OSMR: variants seen among roughly 807,000 people sequenced by gnomAD.
OSMR encodes oncostatin M receptor.
In OSMR, 81 loss-of-function variants were observed where a neutral mutation model predicts 99.9. The ratio of observed to expected loss-of-function variants is 0.81; its 90% CI spans 0.68 to 0.97. The LOEUF (loss-of-function observed/expected upper bound fraction) is 0.97, where lower values mean the gene tolerates loss of function less well. Ranked by LOEUF, OSMR falls within the 50% of genes least tolerant of loss-of-function variation. OSMR has a pLI of 0.00. For missense variants in OSMR, 1,099 were observed against 1,153.4 expected (o/e 0.95, Z 0.68); for synonymous variants, 406 against 410.4 (o/e 0.99, Z 0.13).
rs1239688313 is a variant in OSMR at position 38,932,934 on chromosome 5, A to G, written c.2430A>G (p.Val810=). The change falls in exon 18 of 18, where the codon GTA becomes GTG. Residue 810 remains valine (V), a synonymous_variant. Transcript: ENST00000274276. Reference sequence around the variant, plus strand: ...GTATCCCAGATGCTATTGAAGTTGTAAGCAAGCCAGAAGGGACAAAGATAC... The same window carrying G: ...GTATCCCAGATGCTATTGAAGTTGTGAGCAAGCCAGAAGGGACAAAGATAC... ...SDCIPDAIEV[V]SKPEGTKIQF... 1 of 1,614,162 alleles carries G rather than the reference A, an allele frequency of 6.2e-7. No homozygotes were observed. Among genetic ancestry groups the G allele is most frequent in the African/African-American group, 1.3e-5 (1 of 75,040 alleles).
downstream of OSMR, among the ~76,000 whole-genome samples, chr5:38,936,491 T>TGGGAGTTG: frequency 6.6e-6 from 1 of 152,300 alleles, no homozygotes; most frequent in South Asian, 2.1e-4. Flanking sequence ...CAATTCAAGA[T>TGGGAGTTG]GGGAGTTGGG....
intron 10 of OSMR, 113 bp downstream of exon 10, chr5:38,917,735 A>T (rs1745993065): frequency 1.3e-6 from 1 of 787,168 alleles, no homozygotes; most frequent in Admixed American, 1.9e-5. Flanking sequence ...ACTGGGAGGG[A>T]TCTTCACATT....
downstream of OSMR, among the ~76,000 whole-genome samples, chr5:38,936,601 T>C (rs1331829650): frequency 1.3e-5 from 2 of 152,224 alleles, no homozygotes; most frequent in Non-Finnish European, 2.9e-5. Context: ...AGAATGTGTA[T>C]TGATGAAGAA....
At chr5:38,916,257 C>T (rs1373169476) in intron 9 of OSMR, among the ~76,000 whole-genome samples, 2 of 152,136 alleles carry the variant, frequency 1.3e-5, no homozygotes, top group East Asian at 1.9e-4. Flanking sequence ...TTTTCCATTG[C>T]TGAGATTTTT....
chr5:38,872,034 G>C (rs1742423667), intron 2 of OSMR, among the ~76,000 whole-genome samples: 1 of 152,194 alleles, frequency 6.6e-6, no homozygotes, highest in African/African-American at 2.4e-5. Context: ...GCTGGACAGA[G>C]ACCCAGGAGC....
chr5:38,873,809 C>T (rs985615026), intron 2 of OSMR, among the ~76,000 whole-genome samples: 9 of 151,950 alleles, frequency 5.9e-5, no homozygotes, highest in Non-Finnish European at 1.0e-4. Flanking sequence ...TCATTCAAGT[C>T]TTTTGACTTA....
chr5:38,942,077 T>C (rs1241275052), intron 1 of OSMR: 3 of 377,908 alleles, frequency 7.9e-6, no homozygotes, highest in Non-Finnish European at 1.4e-5. Context: ...CTTAAAACTG[T>C]GGTAATGAAT....
At position 38,904,037 on chromosome 5, in the gene OSMR, C is replaced by T; in HGVS notation, c.1134+13C>T. On this transcript the variant is annotated intron_variant, in intron 8 of 17. Coordinates refer to ENST00000274276, the MANE Select transcript of OSMR (RefSeq NM_003999.3). ...AAAAATGATGCAAGTAAGAACCCTG[C>T]TTAATTTTCTATTTTCAAAAATTCT... The T allele has an allele frequency of 1.6e-5, 26 of 1,613,230 alleles. No homozygotes were observed. The highest frequency in any genetic ancestry group is 2.2e-5 in the Non-Finnish European group (26 of 1,179,808).
chr5:38,895,384 G>A lies in OSMR; in HGVS notation c.992-8498G>A, dbSNP rs141172495. Among the ~76,000 whole-genome samples, 642 of 152,104 alleles carry A rather than the reference G, an allele frequency of 4.2e-3. 4 individuals are homozygous for A. The highest frequency in any genetic ancestry group is 0.014 in the African/African-American group (602 of 41,548). On this transcript the variant is annotated intron_variant, in intron 7 of 17. Coordinates refer to ENST00000274276, the MANE Select transcript of OSMR (RefSeq NM_003999.3). ...TAGTTTTGATTTGTATTTCTCTGAT[G>A]ATCCATGATGTTGAGCACTTTTTCA...
At chr5:38,882,233 A>G (rs1743346087) in intron 4 of OSMR, among the ~76,000 whole-genome samples, 1 of 152,156 alleles carries the variant, frequency 6.6e-6, no homozygotes, top group African/African-American at 2.4e-5. Context: ...GAGAGCAGCC[A>G]TAGATAGTGT....
In OSMR at chr5:38,925,231, T is replaced by C. The variant is rs63750567; in HGVS notation, c.2072T>C (p.Ile691Thr). Residue 691 changes from isoleucine (I) to threonine (T), a missense_variant, in exon 15 of 18, where the codon ATT (isoleucine) becomes ACT (threonine). Physicochemically the swap from Ile to Thr is moderately conservative, Grantham distance 89. Transcript: ENST00000274276. ...GGTTCAGAATGTTGCAAATACAAAA[T>C]TGACAACCCGGAAGAAAAGGCATTG... is the stretch of plus-strand genomic sequence containing the variant. ...SDGSECCKYK[I>T]DNPEEKALIV... The C allele has an allele frequency of 1.9e-6, 3 of 1,613,880 alleles. No homozygotes were observed. Among genetic ancestry groups the C allele is most frequent in the East Asian group, 2.2e-5 (1 of 44,866 alleles).
At chr5:38,902,392 A>G (rs1304846026) in intron 7 of OSMR, among the ~76,000 whole-genome samples, 1 of 152,316 alleles carries the variant, frequency 6.6e-6, no homozygotes, top group Non-Finnish European at 1.5e-5. Flanking sequence ...GGCACCTAAA[A>G]TGGCCCAACG....
rs1297761778 is a variant in OSMR, at chr5:38,876,226, T to C, written c.99T>C (p.Thr33=). Residue 33 remains threonine, a synonymous_variant, in exon 3 of 18, where the codon ACT becomes ACC. Transcript: ENST00000274276. ...SEVLAERLPL[T]PVSLKVSTNS... ...TCTTGGCTGAACGTTTACCATTGAC[T>C]CCTGTATCACTTAAAGTTTCCACCA... 6.2e-7 allele frequency: 1 copy of C among 1,613,644 alleles called. No individual in the cohort carries two copies. The highest frequency in any genetic ancestry group is 1.1e-5 in the South Asian group (1 of 91,040).
At chr5:38,938,385 C>T (rs1385323890), downstream of OSMR, 1 of 230,356 alleles carries the variant, frequency 4.3e-6, no homozygotes, top group Non-Finnish European at 8.6e-6. Context: ...TAACAATTAC[C>T]TATAAAATTT....
At chr5:38,902,713 C>T (rs1422261260) in intron 7 of OSMR, among the ~76,000 whole-genome samples, 1 of 152,204 alleles carries the variant, frequency 6.6e-6, no homozygotes, top group Non-Finnish European at 1.5e-5. Flanking sequence ...CTGCTTATGT[C>T]TATGTGTGTC....
At chr5:38,882,628 G>A (rs928283458) in intron 4 of OSMR, among the ~76,000 whole-genome samples, 4 of 151,708 alleles carry the variant, frequency 2.6e-5, no homozygotes, top group African/African-American at 7.3e-5. Context: ...TAGCTCCCCC[G>A]AATCTAGACG....
chr5:38,916,245 A>G (rs1211316938), intron 9 of OSMR, among the ~76,000 whole-genome samples: 4 of 152,182 alleles, frequency 2.6e-5, no homozygotes, highest in Non-Finnish European at 4.4e-5. Flanking sequence ...TGATTTCATT[A>G]TTTTTCCATT....
Position 38,921,706 on chromosome 5 carries a change from G to A in OSMR, c.1677G>A (p.Val559=). The change falls in exon 12 of 18, where the codon GTG becomes GTA. Residue 559 remains valine (V), a synonymous_variant. Coordinates refer to ENST00000274276, the MANE Select transcript of OSMR (RefSeq NM_003999.3). ...PQPGDVIGYV[V]DWCDHTQDVL... Reference sequence around the variant, plus strand: ...CTGGAGATGTTATAGGCTATGTTGTGGACTGGTGTGACCATACCCAGGATG... The same window carrying A: ...CTGGAGATGTTATAGGCTATGTTGTAGACTGGTGTGACCATACCCAGGATG... The A allele has an allele frequency of 6.2e-7, 1 of 1,614,140 alleles. No homozygotes were observed. Among genetic ancestry groups the A allele is most frequent in the Non-Finnish European group, 8.5e-7 (1 of 1,180,002 alleles).
At chr5:38,941,413 T>G (rs559827985) in intron 1 of OSMR, 25 of 231,976 alleles carry the variant, frequency 1.1e-4, no homozygotes, top group Non-Finnish European at 1.8e-4. Context: ...ATCCAAAGTA[T>G]TATTTAATGC....
Sources: allele counts gnomAD v4.1 joint callset (sites outside exome capture counted in the v4.1 genomes callset), GRCh38; gene constraint gnomAD v4.1.1; transcripts MANE v1.5; gene names NCBI Gene and HGNC (gene_info 2026-07-23, HGNC 2026-07-21).